The following SLC26A8 variants were observed in gnomAD, a reference collection of about 807,000 sequenced individuals.
The protein encoded by SLC26A8 is testis anion transporter 1.
In SLC26A8, 70 loss-of-function variants were observed where a neutral mutation model predicts 105.0. The ratio of observed to expected loss-of-function variants is 0.67; its 90% CI spans 0.55 to 0.81. The LOEUF (loss-of-function observed/expected upper bound fraction) is 0.81, where lower values mean the gene tolerates loss of function less well. Among genes scored for constraint, SLC26A8 ranks in the 40% least tolerant of loss-of-function variants. The pLI is 0.00. For missense variants in SLC26A8, 998 were observed against 1,181.8 expected (o/e 0.84, Z 2.28); for synonymous variants, 415 against 438.3 (o/e 0.95, Z 0.66).
At chr6:35,991,240 A>T (rs1188502728) in intron 7 of SLC26A8, among the ~76,000 whole-genome samples, 3 of 32,148 alleles carry the variant, frequency 9.3e-5, no homozygotes, top group Admixed American at 3.0e-4. Flanking sequence ...GTCTCTATTA[A>T]AAAAAATACA....
At chr6:35,954,186 G>A (rs955811251) in intron 17 of SLC26A8, among the ~76,000 whole-genome samples, 2 of 152,180 alleles carry the variant, frequency 1.3e-5, no homozygotes, top group African/African-American at 4.8e-5. Flanking sequence ...CATATAGGAG[G>A]AAGACAAAAG....
chr6:35,974,523 A>T (rs1447537070), intron 10 of SLC26A8, among the ~76,000 whole-genome samples: 1 of 152,184 alleles, frequency 6.6e-6, no homozygotes, highest in Non-Finnish European at 1.5e-5. Flanking sequence ...CAAAAGTAGA[A>T]CAATTATACA....
chr6:35,971,823 G>A lies in SLC26A8; in HGVS notation c.1288-2869C>T, dbSNP rs952552784. ...TTTACAATAACCCATTTTTAAAGCT[G>A]TTCGGGGAGCCTGGGCAAGGCAGGT... is the stretch of plus-strand genomic sequence containing the variant. On this transcript the variant is annotated intron_variant, in intron 10 of 19. Transcript: ENST00000490799. Among the ~76,000 whole-genome samples the A allele has an allele frequency of 1.3e-5, 2 of 152,178 alleles. 1 individual carries two copies. Among genetic ancestry groups the A allele is most frequent in the Admixed American group, 1.3e-4 (2 of 15,284 alleles).
chr6:35,978,827 T>G (rs1773150295), intron 8 of SLC26A8, among the ~76,000 whole-genome samples: 1 of 147,404 alleles, frequency 6.8e-6, no homozygotes, highest in Non-Finnish European at 1.5e-5. Context: ...TCTTCTTCTT[T>G]CCTTCTTCTT....
chr6:36,007,124 A>G (rs1356063221), intron 3 of SLC26A8, among the ~76,000 whole-genome samples: 3 of 152,144 alleles, frequency 2.0e-5, no homozygotes, highest in African/African-American at 7.2e-5. Context: ...TAGTATTGGA[A>G]GTCTTAGCTA....
intron 2 of SLC26A8, among the ~76,000 whole-genome samples, chr6:36,015,475 T>C (rs926580055): frequency 2.0e-5 from 3 of 152,158 alleles, no homozygotes; most frequent in Admixed American, 6.5e-5. Flanking sequence ...GTGGAGAGAA[T>C]TGTATGTTTT....
chr6:36,012,075 G>A (rs182155935), intron 3 of SLC26A8, among the ~76,000 whole-genome samples, 158 bp downstream of exon 3: 61 of 152,310 alleles, frequency 4.0e-4, no homozygotes, highest in African/African-American at 1.3e-3. Flanking sequence ...ACCCTGGAGA[G>A]GTTAGAAATC....
At chr6:35,952,748 G>T (rs1771922078) in intron 17 of SLC26A8, among the ~76,000 whole-genome samples, 1 of 152,130 alleles carries the variant, frequency 6.6e-6, no homozygotes, top group South Asian at 2.1e-4. Context: ...GAGCGCGGTG[G>T]CTCATGCCTG....
At chr6:35,986,024 CTTTTTTTTTTTTTTT>C (rs34715373) in intron 7 of SLC26A8, among the ~76,000 whole-genome samples, 4 of 71,320 alleles carry the variant, frequency 5.6e-5, no homozygotes, top group African/African-American at 2.2e-4. Flanking sequence ...ACATATACAT[CTTTTTTTTTTTTTTT>C]TTTTTTTTTT....
chr6:36,006,545 A>T (rs189033714), intron 3 of SLC26A8, among the ~76,000 whole-genome samples: 1 of 152,166 alleles, frequency 6.6e-6, no homozygotes, highest in African/African-American at 2.4e-5. Flanking sequence ...ATGACTTTTT[A>T]ATTTAGCAAT....
chr6:35,959,558 C>A lies in SLC26A8; in HGVS notation c.1765G>T (p.Glu589Ter), dbSNP rs1375443264. 4.3e-6 allele frequency: 7 copies of A among 1,613,606 alleles called. No individual in the cohort carries two copies. Among genetic ancestry groups the A allele is most frequent in the Non-Finnish European group, 5.9e-6 (7 of 1,179,912 alleles). Reference protein sequence around the residue: ...DMVKVPLKEEEIFSLFNSSDT... With the variant: ...DMVKVPLKEE ...CTTGAATTAAACAAGCTGAAAATTT[C>A]TTCTTCTTTAAGAGGCACCTTTACC... Residue 589 changes from glutamate to a stop codon, truncating the protein, a stop_gained, in exon 16 of 20, where the codon GAA becomes TAA. Transcript: ENST00000490799. LOFTEE classifies it high-confidence loss of function.
At chr6:36,009,220 G>A (rs1007036316) in intron 3 of SLC26A8, among the ~76,000 whole-genome samples, 3 of 152,074 alleles carry the variant, frequency 2.0e-5, no homozygotes, top group Non-Finnish European at 2.9e-5. Flanking sequence ...GTGTGGTGGC[G>A]TGCGCCTGTA....
At chr6:35,960,808 T>C (rs1179705196) in intron 14 of SLC26A8, 35 bp downstream of exon 14, 2 of 1,603,092 alleles carry the variant, frequency 1.2e-6, no homozygotes, top group Non-Finnish European at 1.7e-6. Context: ...ACTCTATCCC[T>C]TAGGCAGAGA....
intron 19 of SLC26A8, among the ~76,000 whole-genome samples, chr6:35,950,064 T>A (rs1771812800): frequency 6.6e-6 from 1 of 152,330 alleles, no homozygotes; most frequent in Admixed American, 6.5e-5. Flanking sequence ...CCCAAAGTGC[T>A]GGGATTACAG....
intron 2 of SLC26A8, among the ~76,000 whole-genome samples, chr6:36,015,315 G>C (rs1761966362): frequency 6.6e-6 from 1 of 152,130 alleles, no homozygotes; most frequent in African/African-American, 2.4e-5. Context: ...GTTTCACCAT[G>C]TTGGCCAGGC....
At chr6:36,010,665 A>G (rs1761831977) in intron 3 of SLC26A8, among the ~76,000 whole-genome samples, 1 of 151,014 alleles carries the variant, frequency 6.6e-6, no homozygotes, top group South Asian at 2.1e-4. Context: ...CAGCCTCCCA[A>G]GTAGCTGGGA....
chr6:35,984,448 G>A (rs1352629653), intron 7 of SLC26A8, among the ~76,000 whole-genome samples: 1 of 150,396 alleles, frequency 6.6e-6, no homozygotes, highest in African/African-American at 2.4e-5. Flanking sequence ...TCCACCTCCT[G>A]AGTAGCTAGG....
rs147488560 is a variant in SLC26A8, at chr6:36,008,295, A to AAAAACAAAAC, written c.328+3928_328+3937dup. On this transcript the variant is annotated intron_variant, in intron 3 of 19. Coordinates refer to ENST00000490799, the MANE Select transcript of SLC26A8 (RefSeq NM_052961.4). ...GGTGACAGAGCAAGATCCTGTCTCTAAAAACAAAACAAAACAAAACAAAAC... is the reference window on the plus strand; with the variant it reads ...GGTGACAGAGCAAGATCCTGTCTCTAAAAACAAAACAAAACAAAACAAAACAAAACAAAAC... 2.9e-3 allele frequency among the ~76,000 whole-genome samples: 447 copies of AAAAACAAAAC among 152,036 alleles called. 6 individuals carry two copies. The highest frequency in any genetic ancestry group is 1.0e-2 in the African/African-American group (413 of 41,378).
chr6:35,957,909 C>T lies in SLC26A8; in HGVS notation c.1863+1551G>A, dbSNP rs563753593. ...GCGTAAGCCACTGCGCCTGGCCATCCGAGATCCTTCTTTTCTCTCCTCCAT... is the reference window on the plus strand; with the variant it reads ...GCGTAAGCCACTGCGCCTGGCCATCTGAGATCCTTCTTTTCTCTCCTCCAT... On this transcript the variant is annotated intron_variant, in intron 16 of 19. Transcript: ENST00000490799. 3.5e-4 allele frequency among the ~76,000 whole-genome samples: 53 copies of T among 152,024 alleles called. No homozygotes were observed. The East Asian group carries it at 7.2e-3, about 21-fold the overall frequency.
Sources: allele counts gnomAD v4.1 joint callset (sites outside exome capture counted in the v4.1 genomes callset), GRCh38; gene constraint gnomAD v4.1.1; transcripts MANE v1.5; gene names NCBI Gene and HGNC (gene_info 2026-07-23, HGNC 2026-07-21).